Variants in COL6A3 observed in about 807,000 individuals in gnomAD.
COL6A3 encodes the protein collagen type VI alpha 3 chain, also known as collagen alpha-3(VI) chain.
A neutral mutation model predicts 274.1 loss-of-function variants in COL6A3; 137 were observed. That is an observed-to-expected ratio of 0.50 (90% CI 0.44 to 0.58). The LOEUF (loss-of-function observed/expected upper bound fraction) is 0.58. Ranked by LOEUF, COL6A3 falls within the 20% of genes least tolerant of loss-of-function variation. The pLI, the probability that COL6A3 is intolerant of heterozygous loss-of-function variation, is 0.00. For missense variants in COL6A3, 3,950 were observed against 4,124.9 expected (o/e 0.96, Z 1.16); for synonymous variants, 1,650 against 1,650.6 (o/e 1.00, Z 0.01).
At position 237,367,014 on chromosome 2, in the gene COL6A3, G is replaced by A. The variant is rs776748952; in HGVS notation, c.5173C>T (p.His1725Tyr). 6.2e-7 allele frequency: 1 copy of A among 1,614,254 alleles called. No homozygotes were observed. The highest frequency in any genetic ancestry group is 2.2e-5 in the East Asian group (1 of 44,884). Residue 1725 changes from histidine to tyrosine, a missense_variant, in exon 11 of 44, where the codon CAC (histidine) becomes TAC (tyrosine). Physicochemically the swap from His to Tyr is moderately conservative, Grantham distance 83 (BLOSUM62 2). Around this residue, in one of 5 missense-constraint regions of COL6A3, gnomAD observed 632 missense variants for 623.4 expected, o/e 1.01. Transcript: ENST00000295550. ...RHANTKVGLE[H>Y]LRVNHFVPEA... ...GGCACAAAGTGGTTTACCCGCAGGT[G>A]CTCAAGGCCCACCTTAGTGTTGGCG...
chr2:237,352,676 A>G (rs1385481641), intron 25 of COL6A3, 92 bp from the exon 26 acceptor site: 28 of 1,260,592 alleles, frequency 2.2e-5, no homozygotes, highest in Non-Finnish European at 2.8e-5. Flanking sequence ...AGGGCCTGGA[A>G]CCTCACTTCT....
chr2:237,367,392 T>C lies in COL6A3; in HGVS notation c.4901-106A>G. 2.2e-6 allele frequency: 3 copies of C among 1,367,072 alleles called. No individual in the cohort carries two copies. The East Asian group carries it at 7.2e-5, about 33-fold the overall frequency. The allele number at this position is 1,367,072 out of a possible 1,614,324, so 84.7% of individuals were successfully genotyped here. On this transcript the variant is annotated intron_variant, in intron 10 of 43. Coordinates refer to ENST00000295550, the MANE Select transcript of COL6A3 (RefSeq NM_004369.4). ...AACTGAAATAAGACATTCCTAATAATTTATTCACAGTGAAACCTTCACTCA... is the reference window on the plus strand; with the variant it reads ...AACTGAAATAAGACATTCCTAATAACTTATTCACAGTGAAACCTTCACTCA...
chr2:237,334,534 A>G (rs1700430005), intron 41 of COL6A3, 92 bp downstream of exon 41: 24 of 1,409,020 alleles, frequency 1.7e-5, no homozygotes, highest in Non-Finnish European at 2.4e-5. Flanking sequence ...TGGTTATTTC[A>G]GAATAGATTC....
rs1432246805 is a variant in COL6A3, at chr2:237,344,365, G to C, written c.7653C>G (p.Leu2551=). 1 of 1,614,196 alleles carries C rather than the reference G, an allele frequency of 6.2e-7. No individual in the cohort carries two copies. The highest frequency in any genetic ancestry group is 1.1e-5 in the South Asian group (1 of 91,072). Residue 2551 remains leucine (L), a synonymous_variant, in exon 36 of 44, where the codon CTC becomes CTG. Coordinates refer to ENST00000295550, the MANE Select transcript of COL6A3 (RefSeq NM_004369.4). This position sits in a 1 kb window ranked among gnomAD's most constrained non-coding sequence, Gnocchi z 4.8. ...GAGCACAGACCTGCAAAGCGTTGATGAGCTGCCGGTCTTCCTGCCTTGTAA... is the reference window on the plus strand; with the variant it reads ...GAGCACAGACCTGCAAAGCGTTGATCAGCTGCCGGTCTTCCTGCCTTGTAA... ...LFLTRQEDRQ[L]INALQINNTA... is the part of the protein sequence containing the mutation.
rs570862571 is a variant in COL6A3 at position 237,408,267 on chromosome 2, G to A, written c.-31+5686C>T. 3.7e-4 allele frequency among the ~76,000 whole-genome samples: 56 copies of A among 152,274 alleles called. 1 individual carries two copies. The highest frequency in any genetic ancestry group is 1.3e-3 in the African/African-American group (52 of 41,548). On this transcript the variant is annotated intron_variant, in intron 1 of 43. Transcript: ENST00000295550. ...CTTACTGCCTCTGTCAGCAATGGTCGGCCAATCTCTCCCAGCCTCCCTTTT... is the reference window on the plus strand; with the variant it reads ...CTTACTGCCTCTGTCAGCAATGGTCAGCCAATCTCTCCCAGCCTCCCTTTT...
Position 237,381,011 on chromosome 2 carries a change from G to A in COL6A3, c.1801C>T (p.Leu601=), listed in dbSNP as rs1185552716. The part of the protein sequence containing the change: ...ELEEIAFDSS[L]VFIPAEFRAA... The stretch of plus-strand genomic sequence containing the variant: ...CGGAACTCAGCTGGGATGAACACCA[G>A]GGAGGAGTCGAAAGCGATCTCTTCC... The change falls in exon 5 of 44, where the codon CTG becomes TTG. Residue 601 remains leucine, a synonymous_variant. Coordinates refer to ENST00000295550, the MANE Select transcript of COL6A3 (RefSeq NM_004369.4). 2 of 1,614,226 alleles carry A rather than the reference G, an allele frequency of 1.2e-6. No individual in the cohort carries two copies. Among genetic ancestry groups the A allele is most frequent in the Admixed American group, 1.7e-5 (1 of 60,034 alleles).
At chr2:237,334,001 G>C (rs933271082) in intron 41 of COL6A3, among the ~76,000 whole-genome samples, 5 of 152,192 alleles carry the variant, frequency 3.3e-5, no homozygotes, top group African/African-American at 1.2e-4. Context: ...AGAATGGGAG[G>C]GGGGAACCCA....
intron 41 of COL6A3, among the ~76,000 whole-genome samples, chr2:237,334,095 G>GT (rs1177023790): frequency 6.6e-6 from 1 of 152,082 alleles, no homozygotes; most frequent in Non-Finnish European, 1.5e-5. Flanking sequence ...TCAGTGAAAT[G>GT]GGGGGGCCCC....
intron 39 of COL6A3, among the ~76,000 whole-genome samples, chr2:237,338,471 A>G (rs893960266): frequency 2.0e-5 from 3 of 152,196 alleles, no homozygotes; most frequent in Non-Finnish European, 4.4e-5. Context: ...AAATTAAATA[A>G]GTGGTTGTTG....
chr2:237,376,884 G>C lies in COL6A3; in HGVS notation c.2958C>G (p.Ile986Met), dbSNP rs145203676. 1 of 1,614,180 alleles carries C rather than the reference G, an allele frequency of 6.2e-7. No individual in the cohort carries two copies. Among genetic ancestry groups the C allele is most frequent in the Admixed American group, 1.7e-5 (1 of 60,028 alleles). ...CCAGGATAAACGCTGGAGACAGCAC[G>C]ATCTGCTCTAACTCAGCAGGGTCTG... ...KNADPAELEQ[I>M]VLSPAFILAA... Residue 986 changes from isoleucine (I) to methionine (M), a missense_variant, in exon 7 of 44, where the codon ATC (isoleucine) becomes ATG (methionine). By Grantham distance (10) the Ile-to-Met change is conservative (BLOSUM62 1). This residue lies in a region of COL6A3 where 1,934 missense variants were observed against 1,984.3 expected (regional missense o/e 0.97). Transcript: ENST00000295550.
chr2:237,351,011 G>T, intron 27 of COL6A3, 119 bp downstream of exon 27: 1 of 927,048 alleles, frequency 1.1e-6, no homozygotes, highest in Non-Finnish European at 1.8e-6. Context: ...AGGGGAGGCT[G>T]GAGTGGGAAC....
At chr2:237,393,349 C>T (rs2078341268) in intron 3 of COL6A3, among the ~76,000 whole-genome samples, 2 of 152,150 alleles carry the variant, frequency 1.3e-5, no homozygotes, top group African/African-American at 4.8e-5. Context: ...ATCCCTATAG[C>T]AGCTGATCAA....
Position 237,333,526 on chromosome 2 carries a change from T to A in COL6A3, c.9252A>T (p.Pro3084=). Residue 3084 remains proline (P), a synonymous_variant, in exon 42 of 44, where the codon CCA becomes CCT. Transcript: ENST00000295550. ...AACTAGAAGCTGACCTTGCTGGCTGTGGAGGTGGGGGCTGAGATTTCTCTA... is the reference window on the plus strand; with the variant it reads ...AACTAGAAGCTGACCTTGCTGGCTGAGGAGGTGGGGGCTGAGATTTCTCTA... ...FSTKKSQPPP[P]QPARSASSST... 1 of 1,614,194 alleles carries A rather than the reference T, an allele frequency of 6.2e-7. No individual in the cohort carries two copies. Among genetic ancestry groups the A allele is most frequent in the East Asian group, 2.2e-5 (1 of 44,888 alleles).
intron 30 of COL6A3, among the ~76,000 whole-genome samples, 154 bp downstream of exon 30, chr2:237,348,195 G>A (rs1447673129): frequency 1.3e-5 from 2 of 152,186 alleles, no homozygotes; most frequent in East Asian, 3.9e-4. Flanking sequence ...AGATGAGAGA[G>A]TATTTTAGGG....
In COL6A3 at chr2:237,345,189, A is replaced by C. The variant is rs1384631830; in HGVS notation, c.7117T>G (p.Ser2373Ala). 4 of 1,614,170 alleles carry C rather than the reference A, an allele frequency of 2.5e-6. No individual in the cohort carries two copies. The South Asian group carries it at 4.4e-5, about 18-fold the overall frequency. Residue 2373 changes from serine (S) to alanine (A), a missense_variant, in exon 33 of 44, where the codon TCC becomes GCC. By Grantham distance (99) the Ser-to-Ala change is moderately conservative. Coordinates refer to ENST00000295550, the MANE Select transcript of COL6A3 (RefSeq NM_004369.4). ...PAGPKGNRGDSIDQCALIQSI... is the reference protein window; with the variant it reads ...PAGPKGNRGDAIDQCALIQSI... ...GGACACATGCAACTTACATCGATGG[A>C]GTCGCCCCTGTTGCCCTTGGGACCC...
rs202132584 is a variant in COL6A3, at chr2:237,387,998, T to C, written c.896A>G (p.Tyr299Cys). 16 of 1,614,052 alleles carry C rather than the reference T, an allele frequency of 9.9e-6. No individual in the cohort carries two copies. Among genetic ancestry groups the C allele is most frequent in the African/African-American group, 8.0e-5 (6 of 74,982 alleles). ...EPRTMFSLDT[Y>C]STKAQVLGAV... is the part of the protein sequence containing the mutation. ...ACCCAGAACCTGGGCCTTGGTGGAG[T>C]AGGTGTCCAAGGAGAACATGGTTCT... The change falls in exon 4 of 44, where the codon TAC (tyrosine) becomes TGC (cysteine). Residue 299 changes from tyrosine (Y) to cysteine (C), a missense_variant. Transcript: ENST00000295550.
At chr2:237,352,433 A>G (rs2077226550) in intron 26 of COL6A3, 89 bp downstream of exon 26, 1 of 1,307,078 alleles carries the variant, frequency 7.7e-7, no homozygotes, top group Non-Finnish European at 1.1e-6. Flanking sequence ...GTCTGTCTAC[A>G]ATAGCATCAT....
At chr2:237,362,543 G>C (rs930207308) in intron 14 of COL6A3, among the ~76,000 whole-genome samples, 1 of 152,224 alleles carries the variant, frequency 6.6e-6, no homozygotes, top group African/African-American at 2.4e-5. Flanking sequence ...AGATTTGTGA[G>C]CTAACTCAAC....
intron 39 of COL6A3, among the ~76,000 whole-genome samples, chr2:237,337,642 C>T (rs975836080): frequency 1.3e-5 from 2 of 152,238 alleles, no homozygotes; most frequent in African/African-American, 4.8e-5. Context: ...TCTGCAGAAT[C>T]TGCACTTCCC....
Sources: allele counts gnomAD v4.1 joint callset (sites outside exome capture counted in the v4.1 genomes callset), GRCh38; gene constraint gnomAD v4.1.1; regional missense constraint gnomAD v4.1.1; non-coding constraint Gnocchi (gnomAD v3.1); transcripts MANE v1.5; gene names NCBI Gene and HGNC (gene_info 2026-07-23, HGNC 2026-07-21).